Variants in DTNA observed in about 807,000 individuals in gnomAD.
DTNA encodes the protein dystrobrevin alpha.
Under a neutral mutation model 100.7 loss-of-function variants are expected in DTNA, and 43 were observed. That is an observed-to-expected ratio of 0.43 (90% CI 0.33 to 0.55). DTNA has a LOEUF of 0.55. Ranked by LOEUF, DTNA falls within the 20% of genes least tolerant of loss-of-function variation. The probability of loss-of-function intolerance (pLI) is 0.04; values close to 1 mark genes in which losing one functional copy is unlikely to be tolerated. For missense variants in DTNA, 798 were observed against 953.9 expected, an observed-to-expected ratio of 0.84 and a Z score of 2.15; for synonymous variants, 349 against 347.9, an observed-to-expected ratio of 1.00 and a Z score of -0.04.
chr18:34,778,023 T>G (rs985620296), intron 3 of DTNA, among the ~76,000 whole-genome samples: 7 of 152,218 alleles, frequency 4.6e-5, no homozygotes, highest in African/African-American at 1.7e-4. Flanking sequence ...CTATTGAACC[T>G]ATGACTAGAA....
chr18:34,558,365 G>C (rs1202151251), intron 1 of DTNA, among the ~76,000 whole-genome samples: 6 of 152,168 alleles, frequency 3.9e-5, no homozygotes, highest in African/African-American at 1.4e-4. Flanking sequence ...GACTGGAGCT[G>C]TTCCTATTCG....
intron 1 of DTNA, among the ~76,000 whole-genome samples, chr18:34,637,498 G>A (rs982595164): frequency 1.3e-5 from 2 of 152,190 alleles, no homozygotes. Flanking sequence ...AATATGGCAA[G>A]TTAGTTAATT....
intron 17 of DTNA, among the ~76,000 whole-genome samples, chr18:34,872,816 C>A (rs150952680): frequency 9.2e-5 from 14 of 152,324 alleles, no homozygotes; most frequent in African/African-American, 3.4e-4. Flanking sequence ...GGCTGCTGAA[C>A]CTTTCTATAG....
At chr18:34,727,724 C>T (rs1276676881) in intron 1 of DTNA, among the ~76,000 whole-genome samples, 1 of 152,116 alleles carries the variant, frequency 6.6e-6, no homozygotes, top group African/African-American at 2.4e-5. Flanking sequence ...GCCACCTTCC[C>T]TGGCTAATTT....
chr18:34,833,783 AG>A (rs1568696467), intron 11 of DTNA, among the ~76,000 whole-genome samples: 1 of 152,242 alleles, frequency 6.6e-6, no homozygotes, highest in Non-Finnish European at 1.5e-5. Flanking sequence ...AGATTAGAAA[AG>A]GTGTATCCCA....
intron 1 of DTNA, among the ~76,000 whole-genome samples, chr18:34,652,152 C>G (rs1268680975): frequency 6.7e-6 from 1 of 148,400 alleles, no homozygotes; most frequent in East Asian, 2.0e-4. Context: ...AAAACAGCAA[C>G]AACGAAAACT....
intron 1 of DTNA, among the ~76,000 whole-genome samples, chr18:34,729,653 A>G (rs559201242): frequency 7.2e-5 from 11 of 152,328 alleles, no homozygotes; most frequent in Admixed American, 2.0e-4. Context: ...GGCTGGGCAC[A>G]TTCCATATTG....
intron 3 of DTNA, among the ~76,000 whole-genome samples, chr18:34,780,277 A>AT (rs752874009): frequency 6.6e-6 from 1 of 152,202 alleles, no homozygotes; most frequent in Non-Finnish European, 1.5e-5. Flanking sequence ...CCTTGGGTAA[A>AT]TACCAGATAA....
chr18:34,649,382 G>A (rs990589560), intron 1 of DTNA, among the ~76,000 whole-genome samples: 20 of 152,194 alleles, frequency 1.3e-4, no homozygotes, highest in African/African-American at 4.6e-4. Flanking sequence ...TGAATTTCCT[G>A]TGGGGACGTT....
chr18:34,496,569 G>A (rs1040465868), intron 1 of DTNA, among the ~76,000 whole-genome samples: 2 of 152,118 alleles, frequency 1.3e-5, no homozygotes, highest in Non-Finnish European at 2.9e-5. Context: ...TACTGCTTCT[G>A]CTTCTACAGA....
intron 1 of DTNA, among the ~76,000 whole-genome samples, chr18:34,753,113 C>T (rs1444205579): frequency 1.3e-5 from 2 of 151,922 alleles, no homozygotes; most frequent in Admixed American, 6.6e-5. Context: ...ACTAGCTGGC[C>T]ATATCATTTG....
Position 34,766,055 on chromosome 18 carries a change from T to C in DTNA, c.148+14T>C. On this transcript the variant is annotated intron_variant, in intron 3 of 22. Coordinates refer to ENST00000444659, the MANE Select transcript of DTNA (RefSeq NM_001386795.1). ...AGAAATGCAATTGTAAGTATGCCAG[T>C]TGTTTGGACTAATTACCATCATGAA... 1 of 1,612,860 alleles carries C rather than the reference T, an allele frequency of 6.2e-7. No homozygotes were observed. The highest frequency in any genetic ancestry group is 1.1e-5 in the South Asian group (1 of 90,998).
At chr18:34,588,220 C>A (rs2049335972) in intron 1 of DTNA, among the ~76,000 whole-genome samples, 1 of 152,148 alleles carries the variant, frequency 6.6e-6, no homozygotes, top group African/African-American at 2.4e-5. Flanking sequence ...ACTACCATAT[C>A]TTGAAAAGTA....
chr18:34,885,900 G>A (rs374637118), intron 22 of DTNA, among the ~76,000 whole-genome samples: 1 of 152,190 alleles, frequency 6.6e-6, no homozygotes, highest in Non-Finnish European at 1.5e-5. Context: ...GCAGCTACAT[G>A]TGATGACTTG....
intron 1 of DTNA, among the ~76,000 whole-genome samples, chr18:34,619,854 A>G (rs2056108359): frequency 6.6e-6 from 1 of 152,200 alleles, no homozygotes; most frequent in Non-Finnish European, 1.5e-5. Context: ...GAGTTATCCC[A>G]AGAAGGATGT....
chr18:34,747,476 A>G (rs2091784440), intron 1 of DTNA, among the ~76,000 whole-genome samples: 1 of 152,014 alleles, frequency 6.6e-6, no homozygotes, highest in Non-Finnish European at 1.5e-5. Context: ...ATATGTAGTC[A>G]TTTATCCCTC....
intron 14 of DTNA, 151 bp downstream of exon 14, chr18:34,848,534 C>G (rs998960703): frequency 1.1e-6 from 1 of 907,632 alleles, no homozygotes; most frequent in Non-Finnish European, 1.7e-6. Flanking sequence ...TTTGTGGTGT[C>G]TTGGTGGTGA....
intron 6 of DTNA, among the ~76,000 whole-genome samples, chr18:34,815,285 G>A (rs1003015127): frequency 3.9e-5 from 6 of 152,024 alleles, no homozygotes; most frequent in African/African-American, 1.4e-4. Flanking sequence ...TAGATACAAT[G>A]CATTCCTTTT....
intron 1 of DTNA, among the ~76,000 whole-genome samples, chr18:34,703,862 A>C (rs972033826): frequency 1.3e-5 from 2 of 152,170 alleles, no homozygotes; most frequent in African/African-American, 2.4e-5. Context: ...CAATTTCCAC[A>C]ATAGTGTGCA....
Sources: gnomAD v4.1 joint callset for allele counts (sites outside exome capture counted in the v4.1 genomes callset) on GRCh38, gnomAD v4.1.1 for gene constraint, MANE v1.5 for transcripts, NCBI Gene and HGNC (gene_info 2026-07-23, HGNC 2026-07-21) for gene names.